ZNF577: variants seen among roughly 807,000 people sequenced by gnomAD.
ZNF577 encodes zinc finger protein 577.
Under a neutral mutation model 13.9 loss-of-function variants are expected in ZNF577, and 14 were observed. The ratio of observed to expected loss-of-function variants is 1.00; its 90% CI spans 0.66 to 1.57. The LOEUF is 1.57. Ranked by LOEUF, ZNF577 falls within the 40% of genes most tolerant of loss-of-function variation. ZNF577 has a pLI of 0.00. For synonymous variants in ZNF577, 203 were observed against 202.9 expected (o/e 1.00, Z 0.00); for missense variants, 555 against 579.2 (o/e 0.96, Z 0.43).
chr19:51,855,367 CTGTGTGTGTG>C (rs55937420), intron 5 of ZNF577, among the ~76,000 whole-genome samples: 17,447 of 143,464 alleles, frequency 0.12, 1,266 homozygotes, highest in East Asian at 0.23. Context: ...GCTGAGGGTG[CTGTGTGTGTG>C]TGTGTGTGTG....
Position 51,872,718 on chromosome 19 carries a change from T to C in ZNF577, c.1272A>G (p.Pro424=). 14 of 1,614,210 alleles carry C rather than the reference T, an allele frequency of 8.7e-6. No individual in the cohort carries two copies. The highest frequency in any genetic ancestry group is 1.2e-5 in the Non-Finnish European group (14 of 1,180,020). ...CTAGGCGCTCACTCTTGTTTAACAA[T>C]GGCGGGGTTCCTGAGGAAGGCATTT... The part of the protein sequence containing the change: ...PIEMPSSGTP[P]LLNKSERLVG... Residue 424 remains proline (P), a synonymous_variant, in exon 6 of 6, where the codon CCA becomes CCG. Coordinates refer to ENST00000638348, the MANE Select transcript of ZNF577 (RefSeq NM_001370449.1).
rs1023195288 is a variant in ZNF577, at chr19:51,868,964, T to G, written c.*3568A>C. Among the ~76,000 whole-genome samples the G allele has an allele frequency of 3.3e-5, 5 of 152,284 alleles. No individual in the cohort carries two copies. The East Asian group carries it at 9.7e-4, about 29-fold the overall frequency. On this transcript the variant is annotated 3_prime_UTR_variant, in exon 6 of 6. Transcript: ENST00000638348. The stretch of plus-strand genomic sequence containing the variant: ...GTATGCTTGGTAAAAGTCATCACCA[T>G]TCTCCAGTCTCGAGTACCCAGGGAC...
rs2084598945 is a variant in ZNF577, at chr19:51,868,340, AAGTC to A, written c.*4188_*4191del. On this transcript the variant is annotated 3_prime_UTR_variant, in exon 6 of 6. Transcript: ENST00000638348. ...GTTTCATCTGGGGTGTAAAAGGAGA[AAGTC>A]AGCAGAGTAAGGTTAGGTAAGACCC... 6.6e-6 allele frequency among the ~76,000 whole-genome samples: 1 copy of A among 152,150 alleles called. No individual in the cohort carries two copies. The highest frequency in any genetic ancestry group is 2.4e-5 in the African/African-American group (1 of 41,420).
intron 9 of ZNF577, among the ~76,000 whole-genome samples, chr19:51,833,943 G>A (rs1244623667): frequency 1.3e-5 from 2 of 152,162 alleles, no homozygotes; most frequent in Non-Finnish European, 2.9e-5. Flanking sequence ...TGCATACAAT[G>A]TGTATAATAG....
intron 10 of ZNF577, among the ~76,000 whole-genome samples, chr19:51,808,012 G>A (rs765719688): frequency 6.6e-6 from 1 of 152,230 alleles, no homozygotes; most frequent in Non-Finnish European, 1.5e-5. Context: ...GGAGAGTAGG[G>A]GGTAGGAAGA....
At chr19:51,850,668 A>G (rs16983140) in intron 5 of ZNF577, among the ~76,000 whole-genome samples, 5,179 of 152,344 alleles carry the variant, frequency 0.034, 274 homozygotes, top group African/African-American at 0.12. Context: ...TGGTGTCAGA[A>G]ATGAGAGTAA....
intron 1 of ZNF577, among the ~76,000 whole-genome samples, chr19:51,882,979 G>A (rs973483098): frequency 8.7e-5 from 13 of 149,562 alleles, no homozygotes; most frequent in African/African-American, 3.2e-4. Flanking sequence ...TTTTGTGTGG[G>A]CTTTTTAAAA....
chr19:51,848,471 A>T (rs1313121458), intron 5 of ZNF577, among the ~76,000 whole-genome samples: 1 of 152,166 alleles, frequency 6.6e-6, no homozygotes, highest in East Asian at 1.9e-4. Flanking sequence ...AATACCCAAG[A>T]TATGGAATCT....
intron 5 of ZNF577, among the ~76,000 whole-genome samples, chr19:51,874,589 T>C (rs542150757): frequency 4.6e-5 from 7 of 152,078 alleles, no homozygotes; most frequent in African/African-American, 1.2e-4. Context: ...ATTAAAAACA[T>C]GAAGATTTTG....
intron 9 of ZNF577, among the ~76,000 whole-genome samples, chr19:51,829,074 A>G (rs1048014794): frequency 1.3e-5 from 2 of 152,228 alleles, no homozygotes; most frequent in African/African-American, 4.8e-5. Flanking sequence ...ATAAGTTGCA[A>G]AGTCCTGGTC....
At chr19:51,859,432 A>G (rs1401243894) in intron 5 of ZNF577, among the ~76,000 whole-genome samples, 1 of 152,208 alleles carries the variant, frequency 6.6e-6, no homozygotes, top group Non-Finnish European at 1.5e-5. Context: ...AAGGAATGGC[A>G]TATTATCATA....
In ZNF577 at chr19:51,887,305, G is replaced by T. The variant is rs1034118022; in HGVS notation, c.-703C>A. The T allele has an allele frequency of 6.6e-6, 1 of 152,082 alleles. No individual in the cohort carries two copies. The highest frequency in any genetic ancestry group is 2.4e-5 in the African/African-American group (1 of 41,392). 9.4% of individuals were successfully genotyped at this position (152,082 alleles called of 1,614,324 possible). The stretch of plus-strand genomic sequence containing the variant: ...AAACTCTCAAAGAGCATGTAATATG[G>T]GAATACGAAGTTGACAAGATGTTAT... On this transcript the variant is annotated 5_prime_UTR_variant, in exon 1 of 6. Transcript: ENST00000638348.
intron 5 of ZNF577, among the ~76,000 whole-genome samples, chr19:51,857,415 AAAGAAAG>A (rs1304065566): frequency 8.8e-6 from 1 of 113,036 alleles, no homozygotes; most frequent in Non-Finnish European, 1.8e-5. Flanking sequence ...AGAAAGAAAG[AAAGAAAG>A]AAAGAAAAGA....
At chr19:51,811,255 T>C (rs1485974244) in intron 10 of ZNF577, among the ~76,000 whole-genome samples, 1 of 141,064 alleles carries the variant, frequency 7.1e-6, no homozygotes, top group African/African-American at 2.5e-5. Context: ...GTGCTGCCTG[T>C]GGAAACCATG....
chr19:51,857,416 A>AGGAAAG (rs2084444370), intron 5 of ZNF577, among the ~76,000 whole-genome samples: 3 of 123,296 alleles, frequency 2.4e-5, no homozygotes, highest in Admixed American at 1.6e-4. Flanking sequence ...GAAAGAAAGA[A>AGGAAAG]AGAAAGAAAG....
chr19:51,875,106 C>T (rs572413076), intron 5 of ZNF577, among the ~76,000 whole-genome samples: 5 of 152,064 alleles, frequency 3.3e-5, no homozygotes, highest in East Asian at 3.9e-4. Context: ...CAGTGCTTCA[C>T]GTCTGTAGTC....
intron 9 of ZNF577, among the ~76,000 whole-genome samples, chr19:51,813,705 T>C (rs73061063): frequency 0.13 from 19,646 of 151,904 alleles, 1,477 homozygotes; most frequent in South Asian, 0.3. Context: ...TAATTTTGCT[T>C]TTGTATTTTT....
intron 3 of ZNF577, among the ~76,000 whole-genome samples, chr19:51,879,922 A>G (rs1286606158): frequency 3.3e-5 from 5 of 152,220 alleles, no homozygotes; most frequent in African/African-American, 4.8e-5. Flanking sequence ...AGAAAGAAGC[A>G]TTGTCAGTAT....
chr19:51,826,436 G>A (rs2084232358), intron 9 of ZNF577, among the ~76,000 whole-genome samples: 1 of 152,216 alleles, frequency 6.6e-6, no homozygotes, highest in Non-Finnish European at 1.5e-5. Context: ...TGCTTTTTGG[G>A]AAGGCTTTTA....
Sources: gnomAD v4.1 joint callset for allele counts (sites outside exome capture counted in the v4.1 genomes callset) on GRCh38, gnomAD v4.1.1 for gene constraint, MANE v1.5 for transcripts, NCBI Gene and HGNC (gene_info 2026-07-23, HGNC 2026-07-21) for gene names.